Variants in ZHX3 observed in about 807,000 individuals in gnomAD.
The protein encoded by ZHX3 is zinc fingers and homeoboxes 3, also known as zinc fingers and homeoboxes protein 3.
In ZHX3, 20 loss-of-function variants were observed where a neutral mutation model predicts 64.5. The ratio of observed to expected loss-of-function variants is 0.31; its 90% CI spans 0.22 to 0.45. The LOEUF (loss-of-function observed/expected upper bound fraction) is 0.45. Ranked by LOEUF, ZHX3 falls within the 20% of genes least tolerant of loss-of-function variation. ZHX3 has a pLI of 1.00. For synonymous variants in ZHX3, 423 were observed against 461.6 expected, an observed-to-expected ratio of 0.92 and a Z score of 1.07; for missense variants, 1,041 against 1,195.8, an observed-to-expected ratio of 0.87 and a Z score of 1.91.
At chr20:41,292,374 C>T (rs866291777) in intron 1 of ZHX3, among the ~76,000 whole-genome samples, 1 of 152,138 alleles carries the variant, frequency 6.6e-6, no homozygotes, top group Non-Finnish European at 1.5e-5. Flanking sequence ...AGTGCAAATG[C>T]TTTGTTGTCT....
chr20:41,203,596 A>T lies in ZHX3; in HGVS notation c.1321T>A (p.Ser441Thr). Reference protein sequence around the residue: ...LMANGLQATSSPLPLTVTSVP... With the variant: ...LMANGLQATSTPLPLTVTSVP... ...GATGTCACCGTGAGGGGGAGAGGGG[A>T]ACTTGTTGCTTGCAACCCATTGGCC... is the stretch of plus-strand genomic sequence containing the variant. Residue 441 changes from serine (S) to threonine (T), a missense_variant, in exon 3 of 4, where the codon TCC (serine) becomes ACC (threonine). Coordinates refer to ENST00000683867, the MANE Select transcript of ZHX3 (RefSeq NM_001384317.1). This position sits in a 1 kb window ranked among gnomAD's most constrained non-coding sequence, Gnocchi z 7.1. The T allele has an allele frequency of 6.2e-7, 1 of 1,614,158 alleles. No homozygotes were observed. The highest frequency in any genetic ancestry group is 2.2e-5 in the East Asian group (1 of 44,880).
rs1456267026 is a variant in ZHX3 at position 41,202,407 on chromosome 20, G to A, written c.2510C>T (p.Pro837Leu). ...YEDYKRGNFP[P>L]GLLVIAPGNR... is the part of the protein sequence containing the mutation. ...GCCAGGGGCAATGACCAGTAGCCCT[G>A]GTGGGAAGTTGCCTCGCTTATAGTC... The change falls in exon 3 of 4, where the codon CCA becomes CTA. Residue 837 changes from proline (P) to leucine (L), a missense_variant. Around this residue, in one of 4 missense-constraint regions of ZHX3, gnomAD observed 649 missense variants for 739.8 expected, o/e 0.88. Coordinates refer to ENST00000683867, the MANE Select transcript of ZHX3 (RefSeq NM_001384317.1). The surrounding 1 kb of genome is among the most constrained non-coding windows in gnomAD (Gnocchi z 7.0). 1.2e-6 allele frequency: 2 copies of A among 1,614,062 alleles called. No homozygotes were observed. The highest frequency in any genetic ancestry group is 8.5e-7 in the Non-Finnish European group (1 of 1,180,030).
Position 41,204,092 on chromosome 20 carries a change from C to G in ZHX3, c.825G>C (p.Gln275His), listed in dbSNP as rs748590686. ...PAGIAQFLSLQQQPPVHAQHH... is the reference protein window; with the variant it reads ...PAGIAQFLSLHQQPPVHAQHH... Reference sequence around the variant, plus strand: ...GTTGGGCATGCACTGGGGGCTGCTGCTGGAGGGAGAGGAACTGTGCTATGC... The same window carrying G: ...GTTGGGCATGCACTGGGGGCTGCTGGTGGAGGGAGAGGAACTGTGCTATGC... The change falls in exon 3 of 4, where the codon CAG becomes CAC. Residue 275 changes from glutamine to histidine, a missense_variant. By Grantham distance (24) the Gln-to-His change is conservative (BLOSUM62 0). This residue lies in a region of ZHX3 where 358 missense variants were observed against 369.1 expected (regional missense o/e 0.97). Transcript: ENST00000683867. This position sits in a 1 kb window ranked among gnomAD's most constrained non-coding sequence, Gnocchi z 6.6. 7 of 1,608,422 alleles carry G rather than the reference C, an allele frequency of 4.4e-6. No individual in the cohort carries two copies. In the East Asian group the frequency reaches 1.6e-4, roughly 36 times the overall value.
At chr20:41,315,476 A>G (rs189571197) in intron 1 of ZHX3, among the ~76,000 whole-genome samples, 2 of 150,538 alleles carry the variant, frequency 1.3e-5, no homozygotes, top group East Asian at 2.0e-4. Flanking sequence ...TACAAGTGTA[A>G]GCTTGATGTT....
In ZHX3 at chr20:41,316,056, G is replaced by A. The variant is rs555711104; in HGVS notation, c.-245+1453C>T. 4.0e-5 allele frequency among the ~76,000 whole-genome samples: 6 copies of A among 150,768 alleles called. No homozygotes were observed. The East Asian group carries it at 5.8e-4, about 15-fold the overall frequency. On this transcript the variant is annotated intron_variant, in intron 1 of 3. Transcript: ENST00000683867. ...CAAAACCAAAAACCAAAACAACATG[G>A]GGAACATTTTTTTCCAAAAATTACC...
chr20:41,258,566 C>G (rs372385179), intron 2 of ZHX3, among the ~76,000 whole-genome samples: 6 of 152,170 alleles, frequency 3.9e-5, no homozygotes, highest in Non-Finnish European at 7.4e-5. Context: ...ATTTTGTTGA[C>G]TGTCCCTTGA....
In ZHX3 at chr20:41,182,344, T is replaced by C. The variant is rs1183355318; in HGVS notation, c.*2847A>G. ...AGACTAACCTCACCCAACTCTCAAC[T>C]CTGCAGCCCACAAATGCCTTCTACT... On this transcript the variant is annotated 3_prime_UTR_variant, in exon 4 of 4. Coordinates refer to ENST00000683867, the MANE Select transcript of ZHX3 (RefSeq NM_001384317.1). The surrounding 1 kb of genome is among the most constrained non-coding windows in gnomAD (Gnocchi z 6.1). 6.6e-6 allele frequency: 1 copy of C among 152,230 alleles called. No individual in the cohort carries two copies. Among genetic ancestry groups the C allele is most frequent in the Non-Finnish European group, 1.5e-5 (1 of 68,046 alleles). The allele number at this position is 152,230 out of a possible 1,614,324, so 9.4% of individuals were successfully genotyped here. A position where few individuals can be genotyped will look rare whatever the true frequency, so the allele number is the denominator to read the frequency against.
At chr20:41,306,345 A>T (rs151240148) in intron 1 of ZHX3, among the ~76,000 whole-genome samples, 61 of 152,322 alleles carry the variant, frequency 4.0e-4, no homozygotes, top group Non-Finnish European at 7.8e-4. Flanking sequence ...GTCTTAGAAA[A>T]ATCTTATAAG....
At position 41,220,043 on chromosome 20, in the gene ZHX3, A is replaced by C. The variant is rs575952740; in HGVS notation, c.-150-14977T>G. Among the ~76,000 whole-genome samples the C allele has an allele frequency of 3.9e-5, 6 of 152,370 alleles. No homozygotes were observed. The East Asian group carries it at 1.2e-3, about 29-fold the overall frequency. ...TACTGCAGCCCATCCTCACTGATAC[A>C]GAGTCTGAAGACAGACAAACAAAAT... On this transcript the variant is annotated intron_variant, in intron 2 of 3. Coordinates refer to ENST00000683867, the MANE Select transcript of ZHX3 (RefSeq NM_001384317.1).
chr20:41,300,980 G>C (rs1009371422), intron 1 of ZHX3, among the ~76,000 whole-genome samples: 1 of 152,162 alleles, frequency 6.6e-6, no homozygotes, highest in African/African-American at 2.4e-5. Context: ...CCTAGACTTA[G>C]GTAACCACAA....
intron 2 of ZHX3, among the ~76,000 whole-genome samples, chr20:41,210,356 C>T (rs1439848615): frequency 4.6e-5 from 7 of 152,126 alleles, no homozygotes; most frequent in Non-Finnish European, 2.9e-5. Flanking sequence ...GGCATATACC[C>T]AAAGGATTAT....
At chr20:41,279,323 C>T (rs146489814) in intron 1 of ZHX3, among the ~76,000 whole-genome samples, 1 of 152,196 alleles carries the variant, frequency 6.6e-6, no homozygotes, top group East Asian at 1.9e-4. Flanking sequence ...CCCTTATATA[C>T]TCCCCACCAC....
chr20:41,234,565 C>T (rs949299374), intron 2 of ZHX3, among the ~76,000 whole-genome samples: 2 of 152,208 alleles, frequency 1.3e-5, no homozygotes, highest in Non-Finnish European at 2.9e-5. Flanking sequence ...TGAAAAACAA[C>T]TAAGCCAAAA....
At chr20:41,271,663 A>T (rs2043156674) in intron 1 of ZHX3, among the ~76,000 whole-genome samples, 1 of 152,200 alleles carries the variant, frequency 6.6e-6, no homozygotes, top group South Asian at 2.1e-4. Flanking sequence ...AAAAAGCTTC[A>T]TAATAATTGG....
At chr20:41,194,568 G>A (rs1359493734) in intron 3 of ZHX3, among the ~76,000 whole-genome samples, 2 of 152,100 alleles carry the variant, frequency 1.3e-5, no homozygotes, top group African/African-American at 4.8e-5. Context: ...TGGTGTCAGG[G>A]TAATGGTGAC....
intron 2 of ZHX3, among the ~76,000 whole-genome samples, chr20:41,208,069 C>G (rs533251074): frequency 6.6e-6 from 1 of 152,120 alleles, no homozygotes; most frequent in African/African-American, 2.4e-5. Context: ...AATACCTCTA[C>G]GCAAATAAAC....
chr20:41,282,948 G>A (rs549547389), intron 1 of ZHX3, among the ~76,000 whole-genome samples: 17 of 151,672 alleles, frequency 1.1e-4, no homozygotes, highest in South Asian at 4.2e-4. Flanking sequence ...TTGCTCTGTC[G>A]CCCAGGCTGG....
At chr20:41,205,796 C>T (rs947146062) in intron 2 of ZHX3, among the ~76,000 whole-genome samples, 1 of 152,206 alleles carries the variant, frequency 6.6e-6, no homozygotes. Flanking sequence ...CTGTGTACGA[C>T]CACTCAAAGG....
At chr20:41,298,781 G>A (rs934510801) in intron 1 of ZHX3, among the ~76,000 whole-genome samples, 1 of 152,194 alleles carries the variant, frequency 6.6e-6, no homozygotes, top group Non-Finnish European at 1.5e-5. Context: ...AGAAACCAGG[G>A]ATCCAGAATC....
Sources: gnomAD v4.1 joint callset for allele counts (sites outside exome capture counted in the v4.1 genomes callset) on GRCh38, gnomAD v4.1.1 for gene constraint, gnomAD v4.1.1 regional missense constraint, Gnocchi (gnomAD v3.1) non-coding constraint, MANE v1.5 for transcripts, NCBI Gene and HGNC (gene_info 2026-07-23, HGNC 2026-07-21) for gene names.